The following NLRX1 variants were observed in gnomAD, a reference collection of about 807,000 sequenced individuals.
NLRX1 encodes the protein NOD-like receptor X1.
NLRX1 carries 67 observed loss-of-function variants against 74.2 expected under a neutral mutation model. The ratio of observed to expected loss-of-function variants is 0.90; its 90% confidence interval spans 0.74 to 1.11. The LOEUF (loss-of-function observed/expected upper bound fraction) is 1.11, where lower values mean the gene tolerates loss of function less well. Among genes scored for constraint, NLRX1 ranks in the 50% least tolerant of loss-of-function variants. NLRX1 has a pLI of 0.00. For synonymous variants in NLRX1, 506 were observed against 559.1 expected, an observed-to-expected ratio of 0.91 and a Z score of 1.34; for missense variants, 1,191 against 1,305.4, an observed-to-expected ratio of 0.91 and a Z score of 1.35.
rs755645872 is a variant in NLRX1, at chr11:119,183,936, C to T, written c.*497C>T. ...CCTCATCCTCATGCCCCCTTTGCCA[C>T]AATGGTATGATGGCTTGGTAGCCCC... is the stretch of plus-strand genomic sequence containing the variant. On this transcript the variant is annotated 3_prime_UTR_variant, in exon 10 of 10. Transcript: ENST00000409109. This position sits in a 1 kb window ranked among gnomAD's most constrained non-coding sequence, Gnocchi z 5.7. 3 of 779,948 alleles carry T rather than the reference C, an allele frequency of 3.8e-6. No individual in the cohort carries two copies. In the Admixed American group the frequency reaches 5.1e-5, roughly 13 times the overall value. 48.3% of individuals were successfully genotyped at this position (779,948 alleles called of 1,614,324 possible).
chr11:119,174,845 T>C lies in NLRX1; in HGVS notation c.1242T>C (p.Thr414=). ...TCAGCGGGGAAACCCTGGACAGCAC[T>C]GACCCCTCCAATTTGTCCCTGATGG... ...LNFSGETLDS[T]DPSNLSLMAY... is the part of the protein sequence containing the mutation. The change falls in exon 6 of 10, where the codon ACT becomes ACC. Residue 414 remains threonine, a synonymous_variant. Transcript: ENST00000409109. 6.2e-7 allele frequency: 1 copy of C among 1,614,088 alleles called. No homozygotes were observed. Among genetic ancestry groups the C allele is most frequent in the Non-Finnish European group, 8.5e-7 (1 of 1,180,046 alleles).
rs763426764 is a variant in NLRX1 at position 119,183,702 on chromosome 11, T to C, written c.*263T>C. The C allele has an allele frequency of 2.6e-6, 2 of 764,068 alleles. No individual in the cohort carries two copies. Among genetic ancestry groups the C allele is most frequent in the East Asian group, 4.9e-5 (2 of 40,754 alleles). 47.3% of individuals were successfully genotyped at this position (764,068 alleles called of 1,614,324 possible). Reference sequence around the variant, plus strand: ...CCATTCAGCTAGAAGGACCAAAGCATGTGGCATTTGGATGGCCAGAGTGCC... The same window carrying C: ...CCATTCAGCTAGAAGGACCAAAGCACGTGGCATTTGGATGGCCAGAGTGCC... On this transcript the variant is annotated 3_prime_UTR_variant, in exon 10 of 10. Transcript: ENST00000409109. This position sits in a 1 kb window ranked among gnomAD's most constrained non-coding sequence, Gnocchi z 5.7.
chr11:119,175,023 C>G lies in NLRX1; in HGVS notation c.1420C>G (p.Leu474Val). 1 of 1,614,154 alleles carries G rather than the reference C, an allele frequency of 6.2e-7. No individual in the cohort carries two copies. The highest frequency in any genetic ancestry group is 1.1e-5 in the South Asian group (1 of 91,088). Residue 474 changes from leucine (L) to valine (V), a missense_variant, in exon 6 of 10, where the codon CTG becomes GTG. Coordinates refer to ENST00000409109, the MANE Select transcript of NLRX1 (RefSeq NM_001282144.2). Reference protein sequence around the residue: ...QLLHIFRRDALRFFLAPCVEP... With the variant: ...QLLHIFRRDAVRFFLAPCVEP... Reference sequence around the variant, plus strand: ...GCTGCACATCTTCCGTCGGGATGCCCTGAGGTTTTTCCTGGCCCCATGTGT... The same window carrying G: ...GCTGCACATCTTCCGTCGGGATGCCGTGAGGTTTTTCCTGGCCCCATGTGT...
chr11:119,171,254 C>A, intron 1 of NLRX1, 102 bp from the exon 2 acceptor site: 1 of 716,968 alleles, frequency 1.4e-6, no homozygotes, highest in Non-Finnish European at 2.2e-6. Context: ...TGAGGAAGGG[C>A]TGATCCTCTC....
At chr11:119,176,692 A>C (rs1948712000) in intron 6 of NLRX1, among the ~76,000 whole-genome samples, 1 of 152,124 alleles carries the variant, frequency 6.6e-6, no homozygotes, top group South Asian at 2.1e-4. Context: ...CAAAAATAAA[A>C]AAATAATAAT....
intron 1 of NLRX1, among the ~76,000 whole-genome samples, chr11:119,169,899 A>C (rs1767180043): frequency 6.7e-6 from 1 of 149,364 alleles, no homozygotes; most frequent in African/African-American, 2.5e-5. Flanking sequence ...AGGAGGCTGA[A>C]GCAGGAGGAT....
intron 6 of NLRX1, among the ~76,000 whole-genome samples, chr11:119,175,598 G>A (rs551528754): frequency 8.1e-4 from 124 of 152,280 alleles, no homozygotes; most frequent in African/African-American, 2.8e-3. Context: ...TTCCTCCTAG[G>A]AGGCAGGCCT....
In NLRX1 at chr11:119,182,292, G is replaced by A. The variant is rs138638352; in HGVS notation, c.2553G>A (p.Ala851=). The change falls in exon 9 of 10, where the codon GCG becomes GCA. Residue 851 remains alanine, a synonymous_variant. Coordinates refer to ENST00000409109, the MANE Select transcript of NLRX1 (RefSeq NM_001282144.2). ...CGTACAACGGTGCTGGTGACACAGCGGCCCTGGCCCTGGCCAGAGCTGCCC... is the reference window on the plus strand; with the variant it reads ...CGTACAACGGTGCTGGTGACACAGCAGCCCTGGCCCTGGCCAGAGCTGCCC... ...NVAYNGAGDT[A]ALALARAARE... 3,496 of 1,613,252 alleles carry A rather than the reference G, an allele frequency of 2.2e-3. 2 individuals are homozygous for A. Among genetic ancestry groups the A allele is most frequent in the Non-Finnish European group, 2.7e-3 (3,169 of 1,180,000 alleles).
At chr11:119,169,855 G>T (rs988004078) in intron 1 of NLRX1, among the ~76,000 whole-genome samples, 1 of 152,030 alleles carries the variant, frequency 6.6e-6, no homozygotes, top group African/African-American at 2.4e-5. Context: ...AATTAGCCAG[G>T]TGTGGTGGCA....
At chr11:119,177,614 C>A (rs1484428603) in intron 6 of NLRX1, among the ~76,000 whole-genome samples, 4 of 148,432 alleles carry the variant, frequency 2.7e-5, no homozygotes, top group Non-Finnish European at 5.9e-5. Flanking sequence ...GGTGACAGAG[C>A]GAGACTCTGT....
At position 119,173,281 on chromosome 11, in the gene NLRX1, G is replaced by C; in HGVS notation, c.230-198G>C. 1.4e-6 allele frequency: 1 copy of C among 693,512 alleles called. No individual in the cohort carries two copies. The allele number at this position is 693,512 out of a possible 1,614,324, so 43.0% of individuals were successfully genotyped here. Reference sequence around the variant, plus strand: ...CACTGTGAAACCAGTTTGTCCAGTGGCTTCCCACTTTCTGACATAGGGGTT... The same window carrying C: ...CACTGTGAAACCAGTTTGTCCAGTGCCTTCCCACTTTCTGACATAGGGGTT... On this transcript the variant is annotated intron_variant, in intron 4 of 9. Coordinates refer to ENST00000409109, the MANE Select transcript of NLRX1 (RefSeq NM_001282144.2). The surrounding 1 kb of genome is among the most constrained non-coding windows in gnomAD (Gnocchi z 4.0).
chr11:119,180,355 G>A (rs549674422), intron 7 of NLRX1, 67 bp downstream of exon 7: 93 of 1,319,242 alleles, frequency 7.0e-5, no homozygotes, highest in Non-Finnish European at 9.0e-5. Context: ...AGTGGGAAAA[G>A]AAAGTGCCAG....
In NLRX1 at chr11:119,174,980, G is replaced by A. The variant is rs372033473; in HGVS notation, c.1377G>A (p.Thr459=). The A allele has an allele frequency of 1.2e-5, 20 of 1,613,932 alleles. No individual in the cohort carries two copies. The East Asian group carries it at 2.2e-4, about 18-fold the overall frequency. Residue 459 remains threonine (T), a synonymous_variant, in exon 6 of 10, where the codon ACG becomes ACA. Coordinates refer to ENST00000409109, the MANE Select transcript of NLRX1 (RefSeq NM_001282144.2). ...GCTGCCTGGAGGCTGGCATCAGGAC[G>A]GAGGAGGAGTTTCAGCTGCTGCACA... ...VCGCLEAGIR[T]EEEFQLLHIF... is the part of the protein sequence containing the mutation.
Position 119,173,410 on chromosome 11 carries a change from C to T in NLRX1, c.230-69C>T. 1 of 1,536,946 alleles carries T rather than the reference C, an allele frequency of 6.5e-7. No individual in the cohort carries two copies. The highest frequency in any genetic ancestry group is 2.3e-5 in the East Asian group (1 of 44,380). ...ATGTCCCAGCCTGACCTCACCACCG[C>T]CCTGATTGGCCCTAAGCTACATCTC... On this transcript the variant is annotated intron_variant, in intron 4 of 9. Transcript: ENST00000409109. This position sits in a 1 kb window ranked among gnomAD's most constrained non-coding sequence, Gnocchi z 4.0.
At chr11:119,174,419 G>C in intron 5 of NLRX1, 34 bp from the exon 6 acceptor site, 1 of 1,590,926 alleles carries the variant, frequency 6.3e-7, no homozygotes, top group Non-Finnish European at 8.6e-7. Context: ...AGGACACTAA[G>C]GTCTTTCTTA....
intron 9 of NLRX1, 137 bp downstream of exon 9, chr11:119,182,482 C>T: frequency 3.1e-6 from 4 of 1,278,800 alleles, no homozygotes. Context: ...CTGACTGATC[C>T]TTGTCAACCT....
chr11:119,182,351 T>C lies in NLRX1; in HGVS notation c.2606+6T>C. 1 of 1,608,758 alleles carries C rather than the reference T, an allele frequency of 6.2e-7. No homozygotes were observed. The highest frequency in any genetic ancestry group is 8.5e-7 in the Non-Finnish European group (1 of 1,177,980). ...CCTTCCCTGGAACTGCTACAGTGAG[T>C]CCTGTCCCTGGTCCCATTGCCCCCA... On this transcript the variant is annotated splice_donor_region_variant and intron_variant, in intron 9 of 9. Coordinates refer to ENST00000409109, the MANE Select transcript of NLRX1 (RefSeq NM_001282144.2).
chr11:119,183,077 A>C lies in NLRX1; in HGVS notation c.2607-41A>C. On this transcript the variant is annotated intron_variant, in intron 9 of 9. Transcript: ENST00000409109. This position sits in a 1 kb window ranked among gnomAD's most constrained non-coding sequence, Gnocchi z 5.7. ...CATCTACCCTCGGGCCCTCCTTCTC[A>C]GAGCTCTACTGAATGGCATCGACTT... 6.3e-7 allele frequency: 1 copy of C among 1,578,062 alleles called. No individual in the cohort carries two copies.
chr11:119,172,597 C>A (rs1383709755), intron 3 of NLRX1, among the ~76,000 whole-genome samples, 172 bp downstream of exon 3: 2 of 152,140 alleles, frequency 1.3e-5, no homozygotes, highest in Non-Finnish European at 1.5e-5. Flanking sequence ...TGGCTTAGAT[C>A]ATCTGTGGTA....
Sources: allele counts gnomAD v4.1 joint callset (sites outside exome capture counted in the v4.1 genomes callset), GRCh38; gene constraint gnomAD v4.1.1; non-coding constraint Gnocchi (gnomAD v3.1); transcripts MANE v1.5; gene names NCBI Gene and HGNC (gene_info 2026-07-23, HGNC 2026-07-21).